The following SUSD4 variants were observed in gnomAD, a reference collection of about 807,000 sequenced individuals.
SUSD4 encodes sushi domain containing 4.
A neutral mutation model predicts 50.5 loss-of-function variants in SUSD4; 41 were observed. The ratio of observed to expected loss-of-function variants is 0.81; its 90% CI spans 0.63 to 1.05. SUSD4 has a LOEUF of 1.05. Ranked by LOEUF, SUSD4 falls within the 50% of genes least tolerant of loss-of-function variation. The pLI, the probability that SUSD4 is intolerant of heterozygous loss-of-function variation, is 0.00. For synonymous variants in SUSD4, 257 were observed against 257.3 expected (o/e 1.00, Z 0.01); for missense variants, 580 against 634.7 (o/e 0.91, Z 0.93).
intron 2 of SUSD4, among the ~76,000 whole-genome samples, chr1:223,316,929 T>C (rs1666225466): frequency 2.0e-5 from 3 of 152,084 alleles, no homozygotes; most frequent in Admixed American, 1.3e-4. Flanking sequence ...AGGGGGGCCT[T>C]GGAGATGACG....
At chr1:223,291,486 CT>C (rs1664484834) in intron 3 of SUSD4, among the ~76,000 whole-genome samples, 1 of 30,834 alleles carries the variant, frequency 3.2e-5, no homozygotes. Context: ...GAGACACTGT[CT>C]CAAAAAAAAA....
chr1:223,360,270 C>G, intron 2 of SUSD4: 1 of 470,158 alleles, frequency 2.1e-6, no homozygotes, highest in Non-Finnish European at 4.4e-6. Context: ...GGGGGGCACT[C>G]TGGGCATCCC....
intron 4 of SUSD4, among the ~76,000 whole-genome samples, chr1:223,265,429 G>A (rs1418150): frequency 0.29 from 43,571 of 152,068 alleles, 7,771 homozygotes; most frequent in Non-Finnish European, 0.41. Flanking sequence ...GAATGATCCG[G>A]AGGGCTTGTT....
chr1:223,335,958 G>T (rs1667432719), intron 2 of SUSD4, among the ~76,000 whole-genome samples: 1 of 151,794 alleles, frequency 6.6e-6, no homozygotes, highest in Non-Finnish European at 1.5e-5. Context: ...AGAAAATATT[G>T]CAAAGCAACA....
intron 2 of SUSD4, among the ~76,000 whole-genome samples, chr1:223,362,989 G>T (rs1247002466): frequency 1.4e-5 from 2 of 139,998 alleles, no homozygotes; most frequent in East Asian, 4.2e-4. Flanking sequence ...GGAATAATGG[G>T]CCAGGCTTTA....
At chr1:223,235,555 C>A (rs188361849) in intron 5 of SUSD4, among the ~76,000 whole-genome samples, 12 of 138,690 alleles carry the variant, frequency 8.7e-5, no homozygotes, top group Non-Finnish European at 1.8e-4. Context: ...AATCACTGAT[C>A]GTTTTGCTGT....
intron 2 of SUSD4, among the ~76,000 whole-genome samples, chr1:223,333,337 C>T (rs949472293): frequency 1.3e-5 from 2 of 152,054 alleles, no homozygotes; most frequent in African/African-American, 2.4e-5. Flanking sequence ...CTATCAGCAC[C>T]TCCTGAGAGC....
rs1444504215 is a variant in SUSD4 at position 223,268,038 on chromosome 1, TATATACACAC to T, written c.535+454_535+463del. Among the ~76,000 whole-genome samples, 12 of 93,372 alleles carry T rather than the reference TATATACACAC, an allele frequency of 1.3e-4. 1 individual carries two copies. The highest frequency in any genetic ancestry group is 3.7e-4 in the South Asian group (1 of 2,680). 61.3% of individuals were successfully genotyped at this position (93,372 alleles called of 152,430 possible). A position where few individuals can be genotyped will look rare whatever the true frequency, so the allele number is the denominator to read the frequency against. Reference sequence around the variant, plus strand: ...TTATATATATATATATATATATATATATATACACACACACTGTTAAGAGAAAACAGCCTCT... The same window carrying T: ...TTATATATATATATATATATATATATACACTGTTAAGAGAAAACAGCCTCT... On this transcript the variant is annotated intron_variant, in intron 4 of 8. Coordinates refer to ENST00000366878, the MANE Select transcript of SUSD4 (RefSeq NM_017982.4).
chr1:223,275,138 T>C (rs938226741), intron 3 of SUSD4, among the ~76,000 whole-genome samples: 6 of 152,200 alleles, frequency 3.9e-5, no homozygotes, highest in Non-Finnish European at 7.3e-5. Context: ...GCCTGGCAAG[T>C]AGAGAGTGCT....
intron 2 of SUSD4, among the ~76,000 whole-genome samples, chr1:223,296,044 A>G (rs1664801257): frequency 7.4e-6 from 1 of 135,842 alleles, no homozygotes; most frequent in African/African-American, 2.5e-5. Flanking sequence ...AGATCAATTG[A>G]GCCTGGCTCT....
chr1:223,268,010 T>TG (rs1558196904), intron 4 of SUSD4, among the ~76,000 whole-genome samples: 1 of 42,452 alleles, frequency 2.4e-5, no homozygotes, highest in Non-Finnish European at 5.0e-5. Flanking sequence ...CTTCATGCAT[T>TG]TTTTATATAT....
chr1:223,285,504 A>G (rs1047823772), intron 3 of SUSD4, among the ~76,000 whole-genome samples: 2 of 152,200 alleles, frequency 1.3e-5, no homozygotes, highest in Non-Finnish European at 2.9e-5. Flanking sequence ...CAAAGCAACG[A>G]TAAGGTATGC....
intron 2 of SUSD4, among the ~76,000 whole-genome samples, chr1:223,337,884 G>C (rs1254518297): frequency 6.6e-6 from 1 of 152,166 alleles, no homozygotes; most frequent in Non-Finnish European, 1.5e-5. Context: ...GAACCCTCAG[G>C]GTCTGACAAC....
At chr1:223,354,888 T>C (rs951509613) in intron 2 of SUSD4, among the ~76,000 whole-genome samples, 1 of 152,218 alleles carries the variant, frequency 6.6e-6, no homozygotes, top group Non-Finnish European at 1.5e-5. Context: ...TGAAACTAGT[T>C]AGAACAGGAA....
chr1:223,233,425 T>C (rs1660017063), intron 5 of SUSD4, among the ~76,000 whole-genome samples: 1 of 152,110 alleles, frequency 6.6e-6, no homozygotes, highest in Non-Finnish European at 1.5e-5. Flanking sequence ...AATATAAAAA[T>C]ACCCATGGCT....
intron 2 of SUSD4, among the ~76,000 whole-genome samples, chr1:223,326,879 G>A (rs1666905175): frequency 6.6e-6 from 1 of 152,052 alleles, no homozygotes; most frequent in African/African-American, 2.4e-5. Context: ...AAAAGGGAAT[G>A]ACATACTGCT....
intron 2 of SUSD4, among the ~76,000 whole-genome samples, chr1:223,334,492 C>T (rs1019903266): frequency 1.5e-4 from 23 of 152,172 alleles, no homozygotes; most frequent in Admixed American, 1.4e-3. Context: ...TCCAAACTGA[C>T]AAGGCTATAA....
intron 2 of SUSD4, among the ~76,000 whole-genome samples, chr1:223,300,649 A>G (rs1487170315): frequency 1.3e-5 from 2 of 152,176 alleles, no homozygotes; most frequent in Non-Finnish European, 2.9e-5. Context: ...TTGGAGGAAG[A>G]AAAAGGATAT....
chr1:223,361,377 C>A (rs369684006), intron 2 of SUSD4, among the ~76,000 whole-genome samples: 2 of 152,110 alleles, frequency 1.3e-5, no homozygotes, highest in East Asian at 3.8e-4. Context: ...TAGCTTCCTG[C>A]AGCATATGAG....
Sources: allele counts gnomAD v4.1 joint callset (sites outside exome capture counted in the v4.1 genomes callset), GRCh38; gene constraint gnomAD v4.1.1; transcripts MANE v1.5; gene names NCBI Gene and HGNC (gene_info 2026-07-23, HGNC 2026-07-21).